The following GPD2 variants were observed in gnomAD, a reference collection of about 807,000 sequenced individuals.
GPD2 encodes glycerol-3-phosphate dehydrogenase, mitochondrial.
Under a neutral mutation model 82.4 loss-of-function variants are expected in GPD2, and 54 were observed. That is an observed-to-expected ratio of 0.66 (90% CI 0.53 to 0.82). The LOEUF is 0.82. Ranked by LOEUF, GPD2 falls within the 40% of genes least tolerant of loss-of-function variation. GPD2 has a pLI of 0.00. For missense variants in GPD2, 748 were observed against 896.2 expected (o/e 0.83, Z 2.11); for synonymous variants, 288 against 306.1 (o/e 0.94, Z 0.62).
chr2:156,579,595 G>C (rs894616228), intron 15 of GPD2, 95 bp from the exon 16 acceptor site: 14 of 728,150 alleles, frequency 1.9e-5, no homozygotes, highest in Middle Eastern at 3.7e-4. Flanking sequence ...GCCTCCCAAA[G>C]TGCTGGGATT....
chr2:156,491,484 G>T (rs1684172855), intron 2 of GPD2, among the ~76,000 whole-genome samples: 2 of 152,300 alleles, frequency 1.3e-5, no homozygotes, highest in South Asian at 4.1e-4. Context: ...GTTCATTCGT[G>T]TTGCTGTGTG....
intron 3 of GPD2, among the ~76,000 whole-genome samples, chr2:156,504,281 C>G (rs1684703829): frequency 6.6e-6 from 1 of 152,016 alleles, no homozygotes; most frequent in Non-Finnish European, 1.5e-5. Context: ...ATTGATCCTT[C>G]CCATAAAATG....
chr2:156,470,588 G>A (rs958277093), intron 1 of GPD2, among the ~76,000 whole-genome samples: 2 of 152,198 alleles, frequency 1.3e-5, no homozygotes, highest in Non-Finnish European at 2.9e-5. Flanking sequence ...AGGAGAGTGA[G>A]TACTTTTTAA....
In GPD2 at chr2:156,568,719, C is replaced by G. The variant is rs149043746; in HGVS notation, c.1166-106C>G. On this transcript the variant is annotated intron_variant, in intron 9 of 16. Coordinates refer to ENST00000438166, the MANE Select transcript of GPD2 (RefSeq NM_000408.5). ...TAGGCTTTCTCTCCTTTTTAAAGTG[C>G]ACACATGTGTATTCCTGTCACCGAA... The G allele has an allele frequency of 6.1e-4, 568 of 935,458 alleles. 5 individuals carry two copies. The East Asian group carries it at 0.014, about 22-fold the overall frequency. 57.9% of individuals were successfully genotyped at this position (935,458 alleles called of 1,614,324 possible).
intron 3 of GPD2, among the ~76,000 whole-genome samples, chr2:156,505,739 A>T (rs1684764257): frequency 6.6e-6 from 1 of 152,180 alleles, no homozygotes; most frequent in Non-Finnish European, 1.5e-5. Context: ...TATGCCCTTC[A>T]GGCTTAATTA....
Position 156,585,045 on chromosome 2 carries a change from T to C in GPD2, c.*2127T>C, listed in dbSNP as rs1350327880. ...AAAGAAAAGCACACTTTTCTTCTTT[T>C]GAGCATATCTGCTTTTACTTTAAAT... On this transcript the variant is annotated 3_prime_UTR_variant, in exon 17 of 17. Transcript: ENST00000438166. 6.6e-6 allele frequency: 1 copy of C among 152,006 alleles called. No homozygotes were observed. Among genetic ancestry groups the C allele is most frequent in the Non-Finnish European group, 1.5e-5 (1 of 67,942 alleles). 9.4% of individuals were successfully genotyped at this position (152,006 alleles called of 1,614,324 possible). A position where few individuals can be genotyped will look rare whatever the true frequency, so the allele number is the denominator to read the frequency against.
At chr2:156,461,743 A>G (rs1448279976) in intron 1 of GPD2, among the ~76,000 whole-genome samples, 2 of 152,144 alleles carry the variant, frequency 1.3e-5, no homozygotes, top group East Asian at 3.9e-4. Context: ...CTCACTTTCA[A>G]AATACTTAAT....
chr2:156,499,804 T>C (rs892291175), intron 3 of GPD2, among the ~76,000 whole-genome samples: 12 of 151,380 alleles, frequency 7.9e-5, no homozygotes, highest in Non-Finnish European at 1.8e-4. Context: ...AGGTTGTTTT[T>C]GGGTGGTTTT....
chr2:156,447,959 A>G lies in GPD2; in HGVS notation c.-9+11446A>G, dbSNP rs78347475. On this transcript the variant is annotated intron_variant, in intron 1 of 16. Coordinates refer to ENST00000438166, the MANE Select transcript of GPD2 (RefSeq NM_000408.5). ...GCTGAACTCAGGCATTTCCACTTGC[A>G]TGTCCCACAGTTGAGTCAGGACCCA... Among the ~76,000 whole-genome samples, 54 of 152,270 alleles carry G rather than the reference A, an allele frequency of 3.5e-4. 1 individual carries two copies. The East Asian group carries it at 8.5e-3, about 24-fold the overall frequency.
At chr2:156,450,974 T>C (rs1215548541) in intron 1 of GPD2, among the ~76,000 whole-genome samples, 3 of 132,850 alleles carry the variant, frequency 2.3e-5, no homozygotes, top group Admixed American at 7.8e-5. Context: ...GAGCACAGGG[T>C]TGGGGGTAAG....
chr2:156,432,526 T>C (rs1450136830), upstream of GPD2, among the ~76,000 whole-genome samples: 2 of 152,134 alleles, frequency 1.3e-5, no homozygotes, highest in Non-Finnish European at 2.9e-5. Context: ...GTTCCTACAT[T>C]AATTTGCTTA....
chr2:156,540,702 C>T (rs527501171), intron 6 of GPD2, among the ~76,000 whole-genome samples: 1 of 152,306 alleles, frequency 6.6e-6, no homozygotes, highest in South Asian at 2.1e-4. Context: ...TGAAACAATC[C>T]ATTTTCCTAT....
chr2:156,439,616 G>A (rs1399687682), intron 1 of GPD2, among the ~76,000 whole-genome samples: 2 of 149,184 alleles, frequency 1.3e-5, no homozygotes, highest in African/African-American at 4.9e-5. Context: ...GGAGGCCTAG[G>A]CAGGCGGATC....
intron 9 of GPD2, among the ~76,000 whole-genome samples, chr2:156,561,040 CTTTTTTTTTT>C (rs35948070): frequency 7.2e-5 from 2 of 27,630 alleles, no homozygotes; most frequent in Non-Finnish European, 1.2e-4. Context: ...TGACATTAAG[CTTTTTTTTTT>C]TTTTTTTTTT....
intron 3 of GPD2, among the ~76,000 whole-genome samples, chr2:156,499,038 A>C (rs1030717982): frequency 2.6e-5 from 4 of 152,174 alleles, no homozygotes; most frequent in Admixed American, 2.6e-4. Context: ...TGGTTTTAGC[A>C]GGAAGGTAAG....
chr2:156,549,808 T>C (rs776243571), intron 7 of GPD2, 36 bp downstream of exon 7: 2 of 1,472,832 alleles, frequency 1.4e-6, no homozygotes, highest in Non-Finnish European at 1.9e-6. Flanking sequence ...TATTTCTTAG[T>C]ATCTTGCCTA....
the GPD2 span, among the ~76,000 whole-genome samples, chr2:156,413,866 T>G: frequency 6.6e-6 from 1 of 152,362 alleles, no homozygotes; most frequent in Admixed American, 6.5e-5. Context: ...ATCGTGCCAT[T>G]GACCTCCAGC....
the GPD2 span, among the ~76,000 whole-genome samples, chr2:156,420,666 C>T: frequency 6.6e-6 from 1 of 152,168 alleles, no homozygotes; most frequent in South Asian, 2.1e-4. Context: ...ATACTTTGAG[C>T]TGTTTAAATC....
Position 156,481,874 on chromosome 2 carries a change from G to A in GPD2, c.102+5667G>A, listed in dbSNP as rs527938294. On this transcript the variant is annotated intron_variant, in intron 2 of 16. Coordinates refer to ENST00000438166, the MANE Select transcript of GPD2 (RefSeq NM_000408.5). ...TCATCTGTTGATGGACATTTAGGTTGATTCCATATCTTGGCTATTGTGAAC... is the reference window on the plus strand; with the variant it reads ...TCATCTGTTGATGGACATTTAGGTTAATTCCATATCTTGGCTATTGTGAAC... Among the ~76,000 whole-genome samples the A allele has an allele frequency of 3.4e-3, 519 of 152,230 alleles. 10 individuals are homozygous for A. The highest frequency in any genetic ancestry group is 0.012 in the African/African-American group (500 of 41,528).
Sources: allele counts gnomAD v4.1 joint callset (sites outside exome capture counted in the v4.1 genomes callset), GRCh38; gene constraint gnomAD v4.1.1; transcripts MANE v1.5; gene names NCBI Gene and HGNC (gene_info 2026-07-23, HGNC 2026-07-21).